Variants in RBPJ observed in about 807,000 individuals in gnomAD.
RBPJ encodes the protein recombination signal binding protein for immunoglobulin kappa J region.
A neutral mutation model predicts 67.8 loss-of-function variants in RBPJ; 9 were observed. The ratio of observed to expected loss-of-function variants is 0.13; its 90% confidence interval spans 0.08 to 0.23. The LOEUF (loss-of-function observed/expected upper bound fraction) is 0.23. RBPJ is among the 10% of genes least tolerant of loss of function. RBPJ has a pLI of 1.00. For missense variants in RBPJ, 305 were observed against 595.6 expected (o/e 0.51, Z 5.08); for synonymous variants, 198 against 203.3 (o/e 0.97, Z 0.22).
intron 1 of RBPJ, chr4:26,322,213 A>G (rs933674017): frequency 2.6e-5 from 4 of 152,114 alleles, no homozygotes; most frequent in African/African-American, 4.8e-5. Flanking sequence ...GGACGGTTAG[A>G]AGGAGGCTCA....
the RBPJ span, among the ~76,000 whole-genome samples, chr4:26,118,651 T>C: frequency 6.6e-6 from 1 of 152,242 alleles, no homozygotes; most frequent in Non-Finnish European, 1.5e-5. Flanking sequence ...TGGTCATTTT[T>C]GTAACACTAT....
the RBPJ span, among the ~76,000 whole-genome samples, chr4:26,115,521 A>G: frequency 6.6e-6 from 1 of 152,066 alleles, no homozygotes; most frequent in East Asian, 1.9e-4. Flanking sequence ...AGAAGCTGGG[A>G]CTACAGGCGC....
chr4:26,335,297 T>G (rs1186679870), intron 1 of RBPJ, among the ~76,000 whole-genome samples: 2 of 151,938 alleles, frequency 1.3e-5, no homozygotes, highest in African/African-American at 2.4e-5. Flanking sequence ...TTCTCCTGCC[T>G]CAGCCTCCTG....
At chr4:26,196,005 A>C (rs903084752) in intron 1 of RBPJ, among the ~76,000 whole-genome samples, 1 of 152,062 alleles carries the variant, frequency 6.6e-6, no homozygotes, top group African/African-American at 2.4e-5. Flanking sequence ...GAGAGAGAGA[A>C]GAGAGAAAAG....
chr4:26,341,472 G>A (rs1009611969), intron 1 of RBPJ, among the ~76,000 whole-genome samples: 10 of 151,996 alleles, frequency 6.6e-5, no homozygotes, highest in African/African-American at 2.4e-4. Context: ...AAATTAGCTG[G>A]GCATGGTGCT....
intron 1 of RBPJ, among the ~76,000 whole-genome samples, chr4:26,182,184 T>C (rs914112005): frequency 3.3e-5 from 5 of 151,964 alleles, no homozygotes; most frequent in Non-Finnish European, 7.4e-5. Flanking sequence ...CTACTAAAAG[T>C]ACAAAAAATT....
At chr4:26,310,011 C>T (rs1330217028) in intron 1 of RBPJ, among the ~76,000 whole-genome samples, 1 of 152,186 alleles carries the variant, frequency 6.6e-6, no homozygotes, top group Non-Finnish European at 1.5e-5. Context: ...CATTTTCTTG[C>T]TTTACCTTCT....
At chr4:26,298,420 G>A (rs1035213855) in intron 1 of RBPJ, among the ~76,000 whole-genome samples, 1 of 152,112 alleles carries the variant, frequency 6.6e-6, no homozygotes, top group African/African-American at 2.4e-5. Context: ...TTTGGAACTA[G>A]CATAGCACAA....
At chr4:26,407,879 CTTTCTTTTTT>C (rs1406736699) in intron 3 of RBPJ, among the ~76,000 whole-genome samples, 14 of 78,838 alleles carry the variant, frequency 1.8e-4, no homozygotes, top group African/African-American at 6.3e-4. Flanking sequence ...GTAAAGCTTT[CTTTCTTTTTT>C]TTTTTTTTTT....
At chr4:26,312,651 G>A (rs963131409) in intron 1 of RBPJ, among the ~76,000 whole-genome samples, 7 of 152,152 alleles carry the variant, frequency 4.6e-5, no homozygotes, top group African/African-American at 1.7e-4. Context: ...GGCCCATGAG[G>A]CAAGAGTTAG....
At chr4:26,394,229 G>A (rs1028809008) in intron 2 of RBPJ, among the ~76,000 whole-genome samples, 8 of 151,858 alleles carry the variant, frequency 5.3e-5, no homozygotes, top group African/African-American at 1.5e-4. Context: ...GGGTTTCACC[G>A]TGTTAGCCAG....
At chr4:26,384,375 A>C (rs1351713172) in intron 1 of RBPJ, among the ~76,000 whole-genome samples, 1 of 152,260 alleles carries the variant, frequency 6.6e-6, no homozygotes, top group African/African-American at 2.4e-5. Context: ...ACAAATGAAC[A>C]AAATGAACTA....
chr4:26,330,927 G>C (rs902974495), intron 1 of RBPJ, among the ~76,000 whole-genome samples: 1 of 152,112 alleles, frequency 6.6e-6, no homozygotes, highest in East Asian at 1.9e-4. Flanking sequence ...TGTGTGACAC[G>C]TGTGATATAT....
the RBPJ span, among the ~76,000 whole-genome samples, chr4:26,143,676 C>T: frequency 3.3e-5 from 5 of 152,334 alleles, no homozygotes; most frequent in African/African-American, 9.6e-5. Context: ...CCTGTAATTC[C>T]AGCACTTTGG....
chr4:26,258,996 G>C (rs547201361), intron 1 of RBPJ, among the ~76,000 whole-genome samples: 4 of 151,950 alleles, frequency 2.6e-5, no homozygotes, highest in East Asian at 1.9e-4. Flanking sequence ...TAGAGATGGG[G>C]TTTCACCATG....
intron 1 of RBPJ, among the ~76,000 whole-genome samples, chr4:26,263,756 A>T (rs952135620): frequency 6.6e-6 from 1 of 150,594 alleles, no homozygotes; most frequent in African/African-American, 2.5e-5. Flanking sequence ...AGTTTTAGTA[A>T]AGACGGGGTT....
chr4:26,136,499 G>A, the RBPJ span, among the ~76,000 whole-genome samples: 1 of 152,306 alleles, frequency 6.6e-6, no homozygotes, highest in Middle Eastern at 3.4e-3. Context: ...AGAGACTGCA[G>A]GGAAGTAACA....
At chr4:26,154,831 A>G in the RBPJ span, among the ~76,000 whole-genome samples, 2 of 152,172 alleles carry the variant, frequency 1.3e-5, no homozygotes, top group Non-Finnish European at 2.9e-5. Flanking sequence ...AAGAGGTGCC[A>G]GGCTCCTTTT....
chr4:26,120,297 G>A, the RBPJ span, among the ~76,000 whole-genome samples: 2 of 152,138 alleles, frequency 1.3e-5, no homozygotes, highest in Non-Finnish European at 2.9e-5. Flanking sequence ...CGCTGGGCAG[G>A]CTTTTCAACT....
Sources: gnomAD v4.1 joint callset for allele counts (sites outside exome capture counted in the v4.1 genomes callset) on GRCh38, gnomAD v4.1.1 for gene constraint, MANE v1.5 for transcripts, NCBI Gene and HGNC (gene_info 2026-07-23, HGNC 2026-07-21) for gene names.